The following TMEM131 variants were observed in gnomAD, a reference collection of about 807,000 sequenced individuals.
TMEM131 encodes transmembrane protein 131.
TMEM131 carries 66 observed loss-of-function variants against 211.6 expected under a neutral mutation model. The ratio of observed to expected loss-of-function variants is 0.31; its 90% CI spans 0.26 to 0.38. The LOEUF is 0.38. Ranked by LOEUF, TMEM131 falls within the 10% of genes least tolerant of loss-of-function variation. The probability of loss-of-function intolerance (pLI) is 1.00; values close to 1 mark genes in which losing one functional copy is unlikely to be tolerated. For synonymous variants in TMEM131, 844 were observed against 841.3 expected (o/e 1.00, Z -0.06); for missense variants, 2,036 against 2,299.3 (o/e 0.89, Z 2.34).
At chr2:97,932,296 T>C (rs1677259257) in intron 1 of TMEM131, among the ~76,000 whole-genome samples, 2 of 152,212 alleles carry the variant, frequency 1.3e-5, no homozygotes, top group South Asian at 4.1e-4. Context: ...CATGGGTCCC[T>C]TCGAGCTTAA....
At chr2:97,850,154 T>G (rs1160519372) in intron 5 of TMEM131, among the ~76,000 whole-genome samples, 1 of 151,708 alleles carries the variant, frequency 6.6e-6, no homozygotes, top group East Asian at 1.9e-4. Flanking sequence ...CCATCTAAGA[T>G]GCCAGTGCTT....
intron 4 of TMEM131, among the ~76,000 whole-genome samples, chr2:97,872,602 G>A (rs749991875): frequency 9.9e-5 from 15 of 152,156 alleles, no homozygotes; most frequent in Non-Finnish European, 1.6e-4. Context: ...AGGGCGAGCC[G>A]AAGCAGGGTG....
At position 97,801,973 on chromosome 2, in the gene TMEM131, A is replaced by C. The variant is rs1419794873; in HGVS notation, c.2652-12T>G. The C allele has an allele frequency of 6.3e-7, 1 of 1,580,336 alleles. No homozygotes were observed. The highest frequency in any genetic ancestry group is 1.7e-5 in the Admixed American group (1 of 58,770). ...TACTCAAGTTAAACCTAAAACAAAA[A>C]ATGTACACATATTTATTCATAAGCA... is the stretch of plus-strand genomic sequence containing the variant. On this transcript the variant is annotated splice_polypyrimidine_tract_variant and intron_variant, in intron 24 of 40. Coordinates refer to ENST00000186436, the MANE Select transcript of TMEM131 (RefSeq NM_015348.2).
chr2:97,877,753 C>T (rs904420940), intron 4 of TMEM131, among the ~76,000 whole-genome samples: 1 of 152,106 alleles, frequency 6.6e-6, no homozygotes, highest in Non-Finnish European at 1.5e-5. Flanking sequence ...CATAAAAATC[C>T]TAGAAGAAAA....
chr2:97,933,151 G>A (rs1340273585), intron 1 of TMEM131, among the ~76,000 whole-genome samples: 1 of 152,094 alleles, frequency 6.6e-6, no homozygotes, highest in African/African-American at 2.4e-5. Flanking sequence ...ATGATTAAAT[G>A]GCCTAACACC....
At chr2:97,883,827 A>G (rs1675032070) in intron 4 of TMEM131, among the ~76,000 whole-genome samples, 1 of 152,244 alleles carries the variant, frequency 6.6e-6, no homozygotes, top group Non-Finnish European at 1.5e-5. Flanking sequence ...ATTGTTATAA[A>G]AATGGTATAT....
chr2:97,768,441 C>T (rs1190517379), intron 33 of TMEM131, among the ~76,000 whole-genome samples: 1 of 151,482 alleles, frequency 6.6e-6, no homozygotes, highest in East Asian at 1.9e-4. Context: ...TTCTGTGCCA[C>T]TGTAAAAGTA....
At chr2:97,774,157 T>C (rs1051262418) in intron 32 of TMEM131, among the ~76,000 whole-genome samples, 1 of 152,240 alleles carries the variant, frequency 6.6e-6, no homozygotes, top group Non-Finnish European at 1.5e-5. Flanking sequence ...CACATATCGT[T>C]TGAAACTACT....
chr2:97,955,213 T>C (rs939675254), intron 1 of TMEM131, among the ~76,000 whole-genome samples: 2 of 151,956 alleles, frequency 1.3e-5, no homozygotes, highest in African/African-American at 4.8e-5. Flanking sequence ...TACTAATAAA[T>C]AACAAAATCA....
At chr2:97,939,543 A>T (rs1378684188) in intron 1 of TMEM131, among the ~76,000 whole-genome samples, 1 of 152,212 alleles carries the variant, frequency 6.6e-6, no homozygotes, top group Admixed American at 6.5e-5. Flanking sequence ...ATAGCCTACA[A>T]ACCAAAAGAA....
intron 1 of TMEM131, among the ~76,000 whole-genome samples, chr2:97,959,612 C>T (rs1678728709): frequency 6.6e-6 from 1 of 151,948 alleles, no homozygotes; most frequent in Admixed American, 6.6e-5. Context: ...AAGCAGGCTA[C>T]AGACACCACA....
At chr2:97,851,649 T>C (rs948764214) in intron 5 of TMEM131, among the ~76,000 whole-genome samples, 4 of 152,234 alleles carry the variant, frequency 2.6e-5, no homozygotes, top group Non-Finnish European at 4.4e-5. Flanking sequence ...TTTTTCATTA[T>C]TATTATATCT....
Position 97,872,099 on chromosome 2 carries a change from A to C in TMEM131, c.360-12672T>G, listed in dbSNP as rs375336974. ...ACAGGTAGGCTTAAAGAATAAATTT[A>C]AACAAAAAGTCTGAAAACAAAGAAA... On this transcript the variant is annotated intron_variant, in intron 4 of 40. Transcript: ENST00000186436. Among the ~76,000 whole-genome samples, 5 of 152,272 alleles carry C rather than the reference A, an allele frequency of 3.3e-5. No individual in the cohort carries two copies. The East Asian group carries it at 5.8e-4, about 18-fold the overall frequency.
In TMEM131 at chr2:97,775,876, G is replaced by A. The variant is rs568082861; in HGVS notation, c.4287C>T (p.Thr1429=). The A allele has an allele frequency of 1.3e-5, 21 of 1,613,948 alleles. No individual in the cohort carries two copies. The Middle Eastern group carries it at 1.5e-3, about 114-fold the overall frequency. ...GGAGCGGTTCTGTGTCAGGGTTGGA[G>A]GTCTCTGTGGTGGTGGAGGAGCTAT... The part of the protein sequence containing the change: ...DDDSSSTTTE[T]SNPDTEPLLK... Residue 1429 remains threonine, a synonymous_variant, in exon 32 of 41, where the codon ACC becomes ACT. Coordinates refer to ENST00000186436, the MANE Select transcript of TMEM131 (RefSeq NM_015348.2).
At chr2:97,895,253 T>G (rs774064615) in intron 3 of TMEM131, among the ~76,000 whole-genome samples, 25 of 152,192 alleles carry the variant, frequency 1.6e-4, no homozygotes, top group Non-Finnish European at 2.9e-4. Context: ...CCTTTTGGTG[T>G]GGTGCTGGAT....
chr2:97,782,849 GAC>G (rs1680075880), intron 31 of TMEM131, among the ~76,000 whole-genome samples: 1 of 151,694 alleles, frequency 6.6e-6, no homozygotes, highest in Admixed American at 6.6e-5. Flanking sequence ...CAAAAGATCT[GAC>G]ATTTGTGTTA....
At chr2:97,800,279 T>C (rs1573380138) in intron 25 of TMEM131, among the ~76,000 whole-genome samples, 1 of 152,208 alleles carries the variant, frequency 6.6e-6, no homozygotes, top group Non-Finnish European at 1.5e-5. Flanking sequence ...TAGGACCTCC[T>C]CCTGAATTTC....
intron 29 of TMEM131, among the ~76,000 whole-genome samples, chr2:97,793,901 G>C (rs905386153): frequency 6.9e-6 from 1 of 145,036 alleles, no homozygotes; most frequent in African/African-American, 2.6e-5. Context: ...GGCTGAGGCA[G>C]GAGAATGGCA....
chr2:97,762,811 G>A (rs1291107562), intron 35 of TMEM131: 2 of 152,460 alleles, frequency 1.3e-5, no homozygotes, highest in Non-Finnish European at 2.9e-5. Context: ...AGGCTGCAGT[G>A]AGCTATAATC....
Sources: allele counts gnomAD v4.1 joint callset (sites outside exome capture counted in the v4.1 genomes callset), GRCh38; gene constraint gnomAD v4.1.1; transcripts MANE v1.5; gene names NCBI Gene and HGNC (gene_info 2026-07-23, HGNC 2026-07-21).